DENND2A: variants seen among roughly 807,000 people sequenced by gnomAD.
DENND2A encodes the protein DENN domain containing 2A, also known as DENN domain-containing protein 2A.
DENND2A carries 53 observed loss-of-function variants against 105.3 expected under a neutral mutation model. The observed-to-expected ratio is 0.50, with a 90% CI of 0.40 to 0.63. The LOEUF (loss-of-function observed/expected upper bound fraction) is 0.63, where lower values mean the gene tolerates loss of function less well. Ranked by LOEUF, DENND2A falls within the 30% of genes least tolerant of loss-of-function variation. The pLI, the probability that DENND2A is intolerant of heterozygous loss-of-function variation, is 0.00. For missense variants in DENND2A, 1,138 were observed against 1,279.6 expected, an observed-to-expected ratio of 0.89 and a Z score of 1.69; for synonymous variants, 522 against 508.4, an observed-to-expected ratio of 1.03 and a Z score of -0.36.
At chr7:140,557,528 TA>T (rs1303312888) in intron 11 of DENND2A, among the ~76,000 whole-genome samples, 16 of 36,884 alleles carry the variant, frequency 4.3e-4, no homozygotes, top group African/African-American at 6.4e-4. Flanking sequence ...TATATATATA[TA>T]TATTTTTTTT....
intron 18 of DENND2A, among the ~76,000 whole-genome samples, chr7:140,520,513 C>T (rs1371919760): frequency 6.6e-6 from 1 of 151,774 alleles, no homozygotes; most frequent in African/African-American, 2.4e-5. Context: ...GCTTCAGGCA[C>T]TCTGTCTTCA....
chr7:140,526,947 C>T (rs924669058), intron 15 of DENND2A, among the ~76,000 whole-genome samples: 3 of 152,088 alleles, frequency 2.0e-5, no homozygotes, highest in African/African-American at 4.8e-5. Context: ...ACATTTGTAA[C>T]GGATATGACA....
intron 14 of DENND2A, among the ~76,000 whole-genome samples, chr7:140,534,797 G>A (rs73165408): frequency 0.024 from 3,704 of 152,286 alleles, 59 homozygotes; most frequent in Non-Finnish European, 0.036. Context: ...CATTACAGTG[G>A]TGTGGAGGAA....
At chr7:140,637,046 G>C (rs1031736909) in intron 1 of DENND2A, among the ~76,000 whole-genome samples, 1 of 151,946 alleles carries the variant, frequency 6.6e-6, no homozygotes, top group African/African-American at 2.4e-5. Context: ...TTTTAGTAGA[G>C]ACAGGGTTGG....
chr7:140,606,595 AC>A (rs1799694427), intron 1 of DENND2A, among the ~76,000 whole-genome samples: 1 of 152,064 alleles, frequency 6.6e-6, no homozygotes, highest in African/African-American at 2.4e-5. Flanking sequence ...GGGAGTTTAA[AC>A]CCACACTGCC....
In DENND2A at chr7:140,527,171, C is replaced by G; in HGVS notation, c.2505+147G>C. 2 of 827,568 alleles carry G rather than the reference C, an allele frequency of 2.4e-6. No individual in the cohort carries two copies. The highest frequency in any genetic ancestry group is 3.6e-6 in the Non-Finnish European group (2 of 552,290). The allele number at this position is 827,568 out of a possible 1,614,324, so 51.3% of individuals were successfully genotyped here. On this transcript the variant is annotated intron_variant, in intron 15 of 19. Coordinates refer to ENST00000496613, the MANE Select transcript of DENND2A (RefSeq NM_015689.5). This position sits in a 1 kb window ranked among gnomAD's most constrained non-coding sequence, Gnocchi z 4.9. ...GACTGAGTCAGCCTCTGGGCAGGAC[C>G]CATGCCAGACAAAGCCCTGGTGCCC...
intron 5 of DENND2A, among the ~76,000 whole-genome samples, chr7:140,584,642 T>C (rs1260538178): frequency 6.6e-6 from 1 of 152,156 alleles, no homozygotes; most frequent in Non-Finnish European, 1.5e-5. Flanking sequence ...GGATATTCTG[T>C]AAAAAGAAGG....
chr7:140,596,049 C>T (rs572553329), intron 3 of DENND2A, among the ~76,000 whole-genome samples: 241 of 152,288 alleles, frequency 1.6e-3, no homozygotes, highest in Middle Eastern at 0.01. Flanking sequence ...ACTCCTCCAC[C>T]GTGTACTAGG....
chr7:140,587,193 G>C (rs1798817522), intron 4 of DENND2A, among the ~76,000 whole-genome samples: 1 of 152,186 alleles, frequency 6.6e-6, no homozygotes, highest in African/African-American at 2.4e-5. Context: ...AGTTGACTGA[G>C]CATCTGTCAT....
At chr7:140,605,130 C>T (rs924651407) in intron 2 of DENND2A, among the ~76,000 whole-genome samples, 1 of 152,300 alleles carries the variant, frequency 6.6e-6, no homozygotes, top group Non-Finnish European at 1.5e-5. Flanking sequence ...AACTGTCCTA[C>T]GAGTCCCCAA....
chr7:140,529,346 A>G (rs892668844), intron 14 of DENND2A, among the ~76,000 whole-genome samples: 3 of 152,202 alleles, frequency 2.0e-5, no homozygotes, highest in South Asian at 2.1e-4. Flanking sequence ...CACTGTTGGT[A>G]GGACTGTAAA....
rs763327681 is a variant in DENND2A, at chr7:140,522,053, G to A, written c.2713C>T (p.Arg905Cys). Residue 905 changes from arginine (R) to cysteine (C), a missense_variant, in exon 18 of 20, where the codon CGC becomes TGC. Arg to Cys is a radical substitution (Grantham distance 180). Transcript: ENST00000496613. ...TGTCCCACAATCTCCACGAAGAAGC[G>A]GACAAAGGCTTCAGACACCACCTCG... ...LNEVVSEAFV[R>C]FFVEIVGHYS... 13 of 1,614,018 alleles carry A rather than the reference G, an allele frequency of 8.1e-6. No homozygotes were observed. The highest frequency in any genetic ancestry group is 9.3e-6 in the Non-Finnish European group (11 of 1,180,044).
intron 14 of DENND2A, among the ~76,000 whole-genome samples, chr7:140,537,404 ATGGTT>A (rs1796488949): frequency 6.6e-6 from 1 of 152,198 alleles, no homozygotes; most frequent in African/African-American, 2.4e-5. Context: ...CATTTAGCTT[ATGGTT>A]TAACGCACTA....
At chr7:140,581,033 TG>T (rs1320707818) in intron 5 of DENND2A, among the ~76,000 whole-genome samples, 2 of 151,222 alleles carry the variant, frequency 1.3e-5, no homozygotes, top group African/African-American at 4.9e-5. Flanking sequence ...GAGGCTGAGG[TG>T]GGTGGATCAC....
chr7:140,594,015 C>G (rs1004099168), intron 3 of DENND2A, among the ~76,000 whole-genome samples: 1 of 151,990 alleles, frequency 6.6e-6, no homozygotes, highest in Non-Finnish European at 1.5e-5. Context: ...AGGCGATTCT[C>G]CTGCCTCAGC....
At chr7:140,626,653 C>T (rs984909109) in intron 1 of DENND2A, among the ~76,000 whole-genome samples, 1 of 152,228 alleles carries the variant, frequency 6.6e-6, no homozygotes, top group Non-Finnish European at 1.5e-5. Flanking sequence ...CCTCCTCTTC[C>T]TTTCCTCCCC....
chr7:140,601,559 T>G lies in DENND2A; in HGVS notation c.839A>C (p.Asp280Ala). The change falls in exon 3 of 20, where the codon GAC becomes GCC. Residue 280 changes from aspartate (D) to alanine (A), a missense_variant. Transcript: ENST00000496613. Reference sequence around the variant, plus strand: ...GCCGATGCCAGGCTTCCCATCTTTGTCCCCTTCTCCGGCATGTTTGAACGT... The same window carrying G: ...GCCGATGCCAGGCTTCCCATCTTTGGCCCCTTCTCCGGCATGTTTGAACGT... ...RRTFKHAGEG[D>A]KDGKPGIGFR... is the part of the protein sequence containing the mutation. 6.2e-7 allele frequency: 1 copy of G among 1,614,156 alleles called. No homozygotes were observed. The highest frequency in any genetic ancestry group is 8.5e-7 in the Non-Finnish European group (1 of 1,180,018).
intron 12 of DENND2A, among the ~76,000 whole-genome samples, chr7:140,551,427 G>A (rs1042321029): frequency 5.3e-5 from 8 of 152,020 alleles, no homozygotes; most frequent in Admixed American, 2.6e-4. Context: ...GCCTGCCTTC[G>A]TGTTTTGTGT....
rs193130510 is a variant in DENND2A at position 140,540,969 on chromosome 7, C to T, written c.2327+3649G>A. On this transcript the variant is annotated intron_variant, in intron 14 of 19. Transcript: ENST00000496613. ...CTGATCTCAGGTGATCCACTCGCCTCGGCCTCCCAAAGTGCTGGGATTACA... is the reference window on the plus strand; with the variant it reads ...CTGATCTCAGGTGATCCACTCGCCTTGGCCTCCCAAAGTGCTGGGATTACA... Among the ~76,000 whole-genome samples, 232 of 152,192 alleles carry T rather than the reference C, an allele frequency of 1.5e-3. 1 individual carries two copies. The highest frequency in any genetic ancestry group is 5.4e-3 in the African/African-American group (224 of 41,524).
Sources: allele counts gnomAD v4.1 joint callset (sites outside exome capture counted in the v4.1 genomes callset), GRCh38; gene constraint gnomAD v4.1.1; non-coding constraint Gnocchi (gnomAD v3.1); transcripts MANE v1.5; gene names NCBI Gene and HGNC (gene_info 2026-07-23, HGNC 2026-07-21).